TPRG1: variants seen among roughly 807,000 people sequenced by gnomAD.
The protein encoded by TPRG1 is tumor protein p63 regulated 1.
A neutral mutation model predicts 29.3 loss-of-function variants in TPRG1; 29 were observed. That is an observed-to-expected ratio of 0.99 (90% CI 0.74 to 1.35). The LOEUF (loss-of-function observed/expected upper bound fraction) is 1.35, where lower values mean the gene tolerates loss of function less well. TPRG1 is among the 40% of genes most tolerant of loss of function. The probability of loss-of-function intolerance (pLI) is 0.00; values close to 1 mark genes in which losing one functional copy is unlikely to be tolerated. For synonymous variants in TPRG1, 130 were observed against 116.8 expected (o/e 1.11, Z -0.73); for missense variants, 327 against 335.0 (o/e 0.98, Z 0.19).
At chr3:189,226,806 A>AG (rs1737806802) in intron 3 of TPRG1, among the ~76,000 whole-genome samples, 1 of 151,468 alleles carries the variant, frequency 6.6e-6, no homozygotes, top group Non-Finnish European at 1.5e-5. Context: ...ACAAAAAAAA[A>AG]AAAAAAGAAA....
intron 2 of TPRG1, among the ~76,000 whole-genome samples, chr3:189,207,850 G>A (rs1734645007): frequency 6.6e-6 from 1 of 152,182 alleles, no homozygotes; most frequent in African/African-American, 2.4e-5. Context: ...TGGTTCCTCA[G>A]TTTGTGTTTA....
intron 5 of TPRG1, among the ~76,000 whole-genome samples, chr3:189,159,783 C>G (rs1560500058): frequency 6.6e-6 from 1 of 151,652 alleles, no homozygotes; most frequent in Non-Finnish European, 1.5e-5. Context: ...GATTCATACG[C>G]ACAGTCCTGG....
chr3:189,124,567 T>A (rs751007334), intron 1 of TPRG1, among the ~76,000 whole-genome samples: 68 of 151,094 alleles, frequency 4.5e-4, no homozygotes, highest in Non-Finnish European at 9.3e-4. Flanking sequence ...TATATATATA[T>A]ACACACACAC....
intron 1 of TPRG1, among the ~76,000 whole-genome samples, chr3:189,104,175 G>T (rs1012313592): frequency 1.3e-5 from 2 of 152,072 alleles, no homozygotes; most frequent in Admixed American, 6.6e-5. Context: ...CACTTAGGAG[G>T]TGCTTAACTG....
intron 1 of TPRG1, among the ~76,000 whole-genome samples, chr3:189,201,894 G>A (rs756441867): frequency 1.3e-5 from 2 of 151,988 alleles, no homozygotes; most frequent in Non-Finnish European, 2.9e-5. Flanking sequence ...CAGGTGATCC[G>A]CCCACCTTGG....
chr3:189,035,061 A>C (rs979590301), intron 4 of TPRG1, among the ~76,000 whole-genome samples: 2 of 152,204 alleles, frequency 1.3e-5, no homozygotes, highest in Admixed American at 6.5e-5. Context: ...CGGTAACAAA[A>C]CAGCATGGTA....
At position 189,320,588 on chromosome 3, in the gene TPRG1, C is replaced by T. The variant is rs553097970; in HGVS notation, c.634-38C>T. 7.8e-4 allele frequency: 1,204 copies of T among 1,545,938 alleles called. 22 individuals carry two copies. In the South Asian group the frequency reaches 0.015, roughly 19 times the overall value. On this transcript the variant is annotated intron_variant, in intron 5 of 5. Coordinates refer to ENST00000345063, the MANE Select transcript of TPRG1 (RefSeq NM_198485.4). ...GATGAGTATCTCTCAACTTAATCTA[C>T]AGTAACTAACTTTGTGCCTTCTTTT...
intron 4 of TPRG1, among the ~76,000 whole-genome samples, chr3:189,278,915 C>T (rs1055133972): frequency 6.6e-6 from 1 of 152,192 alleles, no homozygotes; most frequent in African/African-American, 2.4e-5. Context: ...AGTACTTATG[C>T]TCATATTCCT....
At chr3:189,312,931 A>T (rs544669273) in intron 5 of TPRG1, 42 of 152,340 alleles carry the variant, frequency 2.8e-4, no homozygotes, top group African/African-American at 9.4e-4. Context: ...CACACACACG[A>T]ACATGATAGA....
intron 2 of TPRG1, among the ~76,000 whole-genome samples, chr3:189,127,675 A>T (rs540207135): frequency 6.6e-6 from 1 of 152,334 alleles, no homozygotes; most frequent in African/African-American, 2.4e-5. Context: ...CAATGTGGAG[A>T]TTCAGAGAAA....
At chr3:189,152,238 G>A (rs1435049165) in intron 5 of TPRG1, among the ~76,000 whole-genome samples, 2 of 152,130 alleles carry the variant, frequency 1.3e-5, no homozygotes, top group African/African-American at 4.8e-5. Flanking sequence ...AATGGTCTGA[G>A]GCTGTTTAAT....
chr3:189,174,639 C>G (rs1365901656), intron 1 of TPRG1, among the ~76,000 whole-genome samples: 1 of 152,184 alleles, frequency 6.6e-6, no homozygotes, highest in Non-Finnish European at 1.5e-5. Context: ...CCTAACCTCT[C>G]ACTATGTAAG....
chr3:189,008,222 G>C (rs1416748047), intron 3 of TPRG1, among the ~76,000 whole-genome samples: 6 of 152,082 alleles, frequency 3.9e-5, no homozygotes, highest in Non-Finnish European at 8.8e-5. Context: ...AGCAATGCGA[G>C]TGCCATCGAC....
chr3:189,204,257 T>G (rs1733968361), intron 1 of TPRG1, among the ~76,000 whole-genome samples: 1 of 152,138 alleles, frequency 6.6e-6, no homozygotes, highest in South Asian at 2.1e-4. Context: ...AACATTTGAT[T>G]TTGATCTGTT....
intron 2 of TPRG1, among the ~76,000 whole-genome samples, chr3:189,213,915 C>T (rs931528115): frequency 6.6e-6 from 1 of 151,974 alleles, no homozygotes; most frequent in Non-Finnish European, 1.5e-5. Context: ...TAATATATAT[C>T]CCTAGTCCTT....
At chr3:189,156,175 G>C (rs1463658018) in intron 5 of TPRG1, among the ~76,000 whole-genome samples, 1 of 152,110 alleles carries the variant, frequency 6.6e-6, no homozygotes, top group Non-Finnish European at 1.5e-5. Flanking sequence ...TGTGAAGATG[G>C]AAGAAACAGA....
intron 5 of TPRG1, among the ~76,000 whole-genome samples, chr3:189,317,599 G>A (rs1577055951): frequency 6.6e-6 from 1 of 152,172 alleles, no homozygotes; most frequent in Admixed American, 6.6e-5. Context: ...CTTGCCCAAA[G>A]TCACACAGCT....
chr3:189,319,022 G>A (rs1255988344), intron 5 of TPRG1, among the ~76,000 whole-genome samples: 1 of 151,960 alleles, frequency 6.6e-6, no homozygotes, highest in Non-Finnish European at 1.5e-5. Context: ...TTTGGTATTG[G>A]GTAGATCCCT....
chr3:189,196,474 G>A (rs1732543918), intron 1 of TPRG1, among the ~76,000 whole-genome samples: 1 of 152,162 alleles, frequency 6.6e-6, no homozygotes, highest in Non-Finnish European at 1.5e-5. Context: ...TCAAAATCAT[G>A]GCAGAAGGGG....
Sources: gnomAD v4.1 joint callset for allele counts (sites outside exome capture counted in the v4.1 genomes callset) on GRCh38, gnomAD v4.1.1 for gene constraint, MANE v1.5 for transcripts, NCBI Gene and HGNC (gene_info 2026-07-23, HGNC 2026-07-21) for gene names.